ULK4: variants seen among roughly 807,000 people sequenced by gnomAD.
The protein encoded by ULK4 is inactive serine/threonine-protein kinase ULK4.
In ULK4, 133 loss-of-function variants were observed where a neutral mutation model predicts 160.6. The ratio of observed to expected loss-of-function variants is 0.83; its 90% CI spans 0.72 to 0.96. The LOEUF is 0.96. Among genes scored for constraint, ULK4 ranks in the 40% least tolerant of loss-of-function variants. ULK4 has a pLI of 0.00. For synonymous variants in ULK4, 534 were observed against 539.8 expected, an observed-to-expected ratio of 0.99 and a Z score of 0.15; for missense variants, 1,580 against 1,499.5, an observed-to-expected ratio of 1.05 and a Z score of -0.89.
chr3:41,561,997 T>G (rs2087594610), intron 32 of ULK4, among the ~76,000 whole-genome samples: 1 of 152,226 alleles, frequency 6.6e-6, no homozygotes, highest in South Asian at 2.1e-4. Context: ...TGTGGGCATT[T>G]AGTGCCATAA....
At chr3:41,388,268 A>G (rs1355645595) in intron 35 of ULK4, among the ~76,000 whole-genome samples, 1 of 151,922 alleles carries the variant, frequency 6.6e-6, no homozygotes, top group African/African-American at 2.4e-5. Context: ...TAGATTCTGG[A>G]TATTAGCCCT....
chr3:41,542,273 A>C (rs541979216), intron 32 of ULK4, among the ~76,000 whole-genome samples: 1 of 152,318 alleles, frequency 6.6e-6, no homozygotes, highest in South Asian at 2.1e-4. Flanking sequence ...TATTGAGATA[A>C]TCATGTGGTT....
chr3:41,822,808 G>A (rs955836170), intron 18 of ULK4, among the ~76,000 whole-genome samples: 8 of 138,060 alleles, frequency 5.8e-5, no homozygotes, highest in South Asian at 4.6e-4. Context: ...TGCAAGCTCC[G>A]CCTCCCAGGT....
chr3:41,809,577 C>T (rs1423797710), intron 19 of ULK4, among the ~76,000 whole-genome samples: 2 of 152,042 alleles, frequency 1.3e-5, no homozygotes, highest in African/African-American at 4.8e-5. Context: ...AATCAGTTTC[C>T]GCATATCACT....
At chr3:41,845,464 C>T (rs1256863523) in intron 17 of ULK4, among the ~76,000 whole-genome samples, 2 of 152,104 alleles carry the variant, frequency 1.3e-5, no homozygotes, top group Non-Finnish European at 2.9e-5. Context: ...ATACAACATT[C>T]TCAAAATGAC....
chr3:41,527,103 A>G (rs1471449633), intron 32 of ULK4, among the ~76,000 whole-genome samples: 1 of 152,210 alleles, frequency 6.6e-6, no homozygotes, highest in Non-Finnish European at 1.5e-5. Context: ...CTTAAGCTCT[A>G]TTTTTATCGA....
intron 16 of ULK4, among the ~76,000 whole-genome samples, chr3:41,887,754 G>C (rs1697774905): frequency 7.6e-6 from 1 of 130,938 alleles, no homozygotes; most frequent in Non-Finnish European, 1.7e-5. Context: ...CCAGGAGGTG[G>C]AGGTTGCAGT....
chr3:41,410,829 AAGAC>A (rs1157809920), intron 34 of ULK4, among the ~76,000 whole-genome samples: 6 of 152,190 alleles, frequency 3.9e-5, no homozygotes, highest in African/African-American at 1.4e-4. Context: ...AAACTAGACA[AAGAC>A]AGCATAAGTA....
At chr3:41,541,430 G>C (rs1174120045) in intron 32 of ULK4, among the ~76,000 whole-genome samples, 3 of 152,090 alleles carry the variant, frequency 2.0e-5, no homozygotes, top group Non-Finnish European at 2.9e-5. Flanking sequence ...TGTTACTGTA[G>C]CCTTGTAGCA....
intron 17 of ULK4, among the ~76,000 whole-genome samples, chr3:41,843,254 A>G (rs1380988631): frequency 6.6e-6 from 1 of 152,214 alleles, no homozygotes; most frequent in African/African-American, 2.4e-5. Flanking sequence ...AAAATAAGAT[A>G]TCACTACACA....
At chr3:41,539,248 A>G (rs1445532801) in intron 32 of ULK4, among the ~76,000 whole-genome samples, 1 of 152,128 alleles carries the variant, frequency 6.6e-6, no homozygotes, top group Non-Finnish European at 1.5e-5. Flanking sequence ...TAATATTGCC[A>G]TTATAGCATA....
intron 35 of ULK4, among the ~76,000 whole-genome samples, chr3:41,300,630 GC>G (rs1429273503): frequency 6.6e-6 from 1 of 151,428 alleles, no homozygotes; most frequent in Non-Finnish European, 1.5e-5. Context: ...TCACTACACA[GC>G]CTGGTGAGGC....
chr3:41,730,745 T>A (rs975105798), intron 22 of ULK4, among the ~76,000 whole-genome samples: 1 of 152,124 alleles, frequency 6.6e-6, no homozygotes, highest in African/African-American at 2.4e-5. Context: ...GACAAAGAAG[T>A]CTTTCAAACT....
In ULK4 at chr3:41,606,926, T is replaced by C. The variant is rs2032411817; in HGVS notation, c.3120+8743A>G. On this transcript the variant is annotated intron_variant, in intron 31 of 36. Coordinates refer to ENST00000301831, the MANE Select transcript of ULK4 (RefSeq NM_017886.4). ...TTTACAGGTTGTCTCTTCGTCCTGT[T>C]TATTGTTTCTTTTGCTGTGCAGAAG... is the stretch of plus-strand genomic sequence containing the variant. Among the ~76,000 whole-genome samples, 5 of 152,146 alleles carry C rather than the reference T, an allele frequency of 3.3e-5. No individual in the cohort carries two copies. In the South Asian group the frequency reaches 1.0e-3, roughly 32 times the overall value.
rs1053899102 is a variant in ULK4, at chr3:41,354,186, C to T, written c.3678+43893G>A. ...GGGATGTGCAGTCCAGTGTGAGCCA[C>T]GTAAGAGGGTGACTATCCTTGGTTC... On this transcript the variant is annotated intron_variant, in intron 35 of 36. Transcript: ENST00000301831. 8.5e-5 allele frequency among the ~76,000 whole-genome samples: 13 copies of T among 152,286 alleles called. No homozygotes were observed. In the South Asian group the frequency reaches 1.2e-3, roughly 15 times the overall value.
chr3:41,537,793 T>A (rs1037073406), intron 32 of ULK4, among the ~76,000 whole-genome samples: 1 of 152,176 alleles, frequency 6.6e-6, no homozygotes, highest in Non-Finnish European at 1.5e-5. Flanking sequence ...GGTTAGCAGT[T>A]TTATAAATAA....
intron 35 of ULK4, among the ~76,000 whole-genome samples, chr3:41,373,545 A>G (rs964757317): frequency 6.6e-6 from 1 of 152,226 alleles, no homozygotes; most frequent in African/African-American, 2.4e-5. Context: ...TACTCAGTAA[A>G]TAGCAAAATT....
chr3:41,395,278 G>A (rs988004045), intron 35 of ULK4, among the ~76,000 whole-genome samples: 19 of 151,118 alleles, frequency 1.3e-4, no homozygotes, highest in East Asian at 7.8e-4. Context: ...TGGGGCAGCC[G>A]TGGATTGTAA....
Position 41,789,772 on chromosome 3 carries a change from T to G in ULK4, c.2082A>C (p.Ser694=), listed in dbSNP as rs774746412. 3.1e-6 allele frequency: 5 copies of G among 1,613,732 alleles called. No homozygotes were observed. The African/African-American group carries it at 6.7e-5, about 22-fold the overall frequency. ...TGGCAGAGGCCAGGGAGTTTATTAC[T>G]GAGTTCAGTCCCACCTTTTCAATAA... ...QNVIEKVGLN[S]VINSLASAIC... The change falls in exon 21 of 37, where the codon TCA becomes TCC. Residue 694 remains serine, a synonymous_variant. Transcript: ENST00000301831.
Sources: gnomAD v4.1 joint callset for allele counts (sites outside exome capture counted in the v4.1 genomes callset) on GRCh38, gnomAD v4.1.1 for gene constraint, MANE v1.5 for transcripts, NCBI Gene and HGNC (gene_info 2026-07-23, HGNC 2026-07-21) for gene names.